TMEM132B: variants seen among roughly 807,000 people sequenced by gnomAD.
TMEM132B encodes the protein transmembrane protein 132B.
TMEM132B carries 18 observed loss-of-function variants against 90.8 expected under a neutral mutation model. The ratio of observed to expected loss-of-function variants is 0.20; its 90% CI spans 0.14 to 0.29. The LOEUF (loss-of-function observed/expected upper bound fraction) is 0.29, where lower values mean the gene tolerates loss of function less well. Among genes scored for constraint, TMEM132B ranks in the 10% least tolerant of loss-of-function variants. TMEM132B has a pLI of 1.00. For synonymous variants in TMEM132B, 504 were observed against 523.3 expected, an observed-to-expected ratio of 0.96 and a Z score of 0.50; for missense variants, 1,096 against 1,326.8, an observed-to-expected ratio of 0.83 and a Z score of 2.70.
At chr12:125,205,364 C>G (rs1405897908) in intron 1 of TMEM132B, among the ~76,000 whole-genome samples, 1 of 151,698 alleles carries the variant, frequency 6.6e-6, no homozygotes, top group Non-Finnish European at 1.5e-5. Context: ...AATGAGAGCT[C>G]CGTGTGTCAG....
intron 2 of TMEM132B, among the ~76,000 whole-genome samples, chr12:125,382,075 TCTC>T (rs1445484666): frequency 6.6e-6 from 1 of 152,182 alleles, no homozygotes; most frequent in Non-Finnish European, 1.5e-5. Context: ...TTAGAAATCT[TCTC>T]ATAAGCTGGC....
At chr12:125,494,645 T>C (rs1162491813) in intron 3 of TMEM132B, among the ~76,000 whole-genome samples, 1 of 97,354 alleles carries the variant, frequency 1.0e-5, no homozygotes, top group Non-Finnish European at 1.9e-5. Context: ...AAAATGGCCA[T>C]GTCCCTCATC....
rs541850319 is a variant in TMEM132B at position 125,580,375 on chromosome 12, G to A, written c.1294-3476G>A. Among the ~76,000 whole-genome samples, 13 of 152,314 alleles carry A rather than the reference G, an allele frequency of 8.5e-5. No individual in the cohort carries two copies. In the South Asian group the frequency reaches 2.7e-3, roughly 32 times the overall value. Reference sequence around the variant, plus strand: ...CTAGGGAAAGAGCTTTCCATACTGGGTGAACTGAGAGTGAAGCCAAATACC... The same window carrying A: ...CTAGGGAAAGAGCTTTCCATACTGGATGAACTGAGAGTGAAGCCAAATACC... On this transcript the variant is annotated intron_variant, in intron 4 of 8. Coordinates refer to ENST00000682704, the MANE Select transcript of TMEM132B (RefSeq NM_001366854.1).
intron 4 of TMEM132B, among the ~76,000 whole-genome samples, chr12:125,551,128 C>T (rs901672767): frequency 1.4e-4 from 22 of 152,288 alleles, no homozygotes; most frequent in Admixed American, 2.0e-4. Context: ...GCTGGTTTAA[C>T]GTGTGTATTC....
In TMEM132B at chr12:125,534,665, ACT is replaced by A. The variant is rs1483092238; in HGVS notation, c.1293+15041_1293+15042del. Among the ~76,000 whole-genome samples, 3 of 119,900 alleles carry A rather than the reference ACT, an allele frequency of 2.5e-5. No homozygotes were observed. The East Asian group carries it at 7.9e-4, about 31-fold the overall frequency. The allele number at this position is 119,900 out of a possible 152,430, so 78.7% of individuals were successfully genotyped here. On this transcript the variant is annotated intron_variant, in intron 4 of 8. Transcript: ENST00000682704. ...GATTAGAGTCATTATTTTTATTATT[ACT>A]ATTACTACCATCACTACTACCATTA... is the stretch of plus-strand genomic sequence containing the variant.
chr12:125,375,554 T>C (rs909569989), intron 2 of TMEM132B, among the ~76,000 whole-genome samples: 2 of 152,222 alleles, frequency 1.3e-5, no homozygotes, highest in East Asian at 3.9e-4. Flanking sequence ...GATTCAGATA[T>C]GTGATGTCAG....
chr12:125,227,300 T>C (rs923148088), intron 1 of TMEM132B, among the ~76,000 whole-genome samples: 3 of 152,152 alleles, frequency 2.0e-5, no homozygotes, highest in African/African-American at 7.2e-5. Flanking sequence ...ATGTATTAAC[T>C]CATTTAATCC....
chr12:125,531,716 G>T (rs539038802), intron 4 of TMEM132B, among the ~76,000 whole-genome samples: 2 of 152,180 alleles, frequency 1.3e-5, no homozygotes, highest in Non-Finnish European at 2.9e-5. Flanking sequence ...AGTTATATAC[G>T]CACCATTTCA....
At position 125,644,288 on chromosome 12, in the gene TMEM132B, A is replaced by C. The variant is rs1298012319; in HGVS notation, c.1643+7A>C. 6.2e-7 allele frequency: 1 copy of C among 1,613,798 alleles called. No individual in the cohort carries two copies. Among genetic ancestry groups the C allele is most frequent in the African/African-American group, 1.3e-5 (1 of 74,910 alleles). ...CGGTTGCTGCCAACAGAAGGTGAGG[A>C]ATCAAAGAGAAGGCTGTGGATCCGA... On this transcript the variant is annotated splice_region_variant and intron_variant, in intron 6 of 8. Transcript: ENST00000682704.
intron 2 of TMEM132B, among the ~76,000 whole-genome samples, chr12:125,391,153 TGGA>T (rs1879004171): frequency 6.6e-6 from 1 of 151,864 alleles, no homozygotes; most frequent in Non-Finnish European, 1.5e-5. Flanking sequence ...AAAATGATCA[TGGA>T]GGAGAATTGT....
At position 125,492,346 on chromosome 12, in the gene TMEM132B, A is replaced by G. The variant is rs1327475364; in HGVS notation, c.1107-27093A>G. Among the ~76,000 whole-genome samples, 3 of 152,196 alleles carry G rather than the reference A, an allele frequency of 2.0e-5. No individual in the cohort carries two copies. ...TCGCGTGTCCTCCAAACACTGCTGCATGCCATGACACAGCTAATCACATGC... is the reference window on the plus strand; with the variant it reads ...TCGCGTGTCCTCCAAACACTGCTGCGTGCCATGACACAGCTAATCACATGC... On this transcript the variant is annotated intron_variant, in intron 3 of 8. Coordinates refer to ENST00000682704, the MANE Select transcript of TMEM132B (RefSeq NM_001366854.1). This position sits in a 1 kb window ranked among gnomAD's most constrained non-coding sequence, Gnocchi z 5.8.
At chr12:125,483,178 G>C (rs1054901731) in intron 3 of TMEM132B, among the ~76,000 whole-genome samples, 1 of 151,846 alleles carries the variant, frequency 6.6e-6, no homozygotes, top group Non-Finnish European at 1.5e-5. Flanking sequence ...AAACCAACAC[G>C]GCACATGTAT....
intron 3 of TMEM132B, among the ~76,000 whole-genome samples, chr12:125,502,443 G>C (rs1004686193): frequency 6.6e-6 from 1 of 152,214 alleles, no homozygotes; most frequent in Non-Finnish European, 1.5e-5. Flanking sequence ...CTTGAAAGTT[G>C]CTGGTGGCTG....
At chr12:125,598,142 A>G (rs758031063) in intron 5 of TMEM132B, among the ~76,000 whole-genome samples, 15 of 152,190 alleles carry the variant, frequency 9.9e-5, no homozygotes, top group Non-Finnish European at 1.9e-4. Flanking sequence ...GCCCTCTAGA[A>G]ATGTCGATAG....
chr12:125,472,695 G>C (rs1030796011), intron 3 of TMEM132B, among the ~76,000 whole-genome samples: 6 of 152,084 alleles, frequency 3.9e-5, no homozygotes, highest in African/African-American at 1.2e-4. Flanking sequence ...TTATAAAAGA[G>C]GCCTAAGGGA....
At chr12:125,299,843 C>T (rs1443428540) in intron 1 of TMEM132B, among the ~76,000 whole-genome samples, 1 of 152,204 alleles carries the variant, frequency 6.6e-6, no homozygotes, top group Non-Finnish European at 1.5e-5. Context: ...CGGCCTGCGT[C>T]CCCCACTTGC....
intron 1 of TMEM132B, among the ~76,000 whole-genome samples, chr12:125,315,235 G>C (rs920849910): frequency 2.6e-5 from 4 of 152,246 alleles, no homozygotes; most frequent in African/African-American, 9.6e-5. Context: ...GTCTCGCTCT[G>C]TCACTCAGGC....
At chr12:125,193,093 A>C (rs1049146858) in intron 1 of TMEM132B, among the ~76,000 whole-genome samples, 3 of 152,146 alleles carry the variant, frequency 2.0e-5, no homozygotes, top group African/African-American at 7.2e-5. Context: ...CAAGAAAGGA[A>C]GGGCTGACTG....
At chr12:125,477,433 C>T (rs557784538) in intron 3 of TMEM132B, among the ~76,000 whole-genome samples, 175 of 152,260 alleles carry the variant, frequency 1.1e-3, no homozygotes, top group African/African-American at 4.1e-3. Context: ...TGAGATAATT[C>T]TGAAGAGTCC....
Sources: gnomAD v4.1 joint callset for allele counts (sites outside exome capture counted in the v4.1 genomes callset) on GRCh38, gnomAD v4.1.1 for gene constraint, Gnocchi (gnomAD v3.1) non-coding constraint, MANE v1.5 for transcripts, NCBI Gene and HGNC (gene_info 2026-07-23, HGNC 2026-07-21) for gene names.